The following BANK1 variants were observed in gnomAD, a reference collection of about 807,000 sequenced individuals.
The protein encoded by BANK1 is B cell scaffold protein with ankyrin repeats 1, also known as B-cell scaffold protein with ankyrin repeats.
A neutral mutation model predicts 94.5 loss-of-function variants in BANK1; 95 were observed. That is an observed-to-expected ratio of 1.00 (90% CI 0.85 to 1.19). The LOEUF is 1.19. Among genes scored for constraint, BANK1 ranks in the 50% most tolerant of loss-of-function variants. The pLI is 0.00. For missense variants in BANK1, 987 were observed against 932.2 expected, an observed-to-expected ratio of 1.06 and a Z score of -0.77; for synonymous variants, 334 against 308.4, an observed-to-expected ratio of 1.08 and a Z score of -0.87.
At chr4:101,859,487 C>T (rs1050439659) in intron 3 of BANK1, among the ~76,000 whole-genome samples, 31 of 152,240 alleles carry the variant, frequency 2.0e-4, no homozygotes, top group Admixed American at 5.9e-4. Flanking sequence ...TTGTCATAAA[C>T]CTTTGTTTCC....
chr4:101,939,237 A>G (rs1384810317), intron 7 of BANK1, among the ~76,000 whole-genome samples: 1 of 151,712 alleles, frequency 6.6e-6, no homozygotes, highest in Non-Finnish European at 1.5e-5. Flanking sequence ...GTGGAAAGCA[A>G]TCTTTATAGT....
At chr4:101,848,490 A>G (rs1024964998) in intron 2 of BANK1, among the ~76,000 whole-genome samples, 1 of 152,142 alleles carries the variant, frequency 6.6e-6, no homozygotes, top group East Asian at 1.9e-4. Context: ...TCATCACTAA[A>G]AACACTCCAG....
chr4:101,876,485 A>G (rs150546478), intron 5 of BANK1, among the ~76,000 whole-genome samples: 22 of 152,256 alleles, frequency 1.4e-4, no homozygotes, highest in South Asian at 8.3e-4. Flanking sequence ...AAGAACTACA[A>G]TGTTACTAGG....
chr4:102,043,462 A>C (rs74410482), intron 10 of BANK1, among the ~76,000 whole-genome samples: 2,565 of 152,174 alleles, frequency 0.017, 40 homozygotes, highest in Non-Finnish European at 0.026. Context: ...CTTGCTTATC[A>C]TCAAAAAGTC....
intron 7 of BANK1, among the ~76,000 whole-genome samples, chr4:102,015,273 G>C (rs1382486550): frequency 6.6e-6 from 1 of 151,076 alleles, no homozygotes; most frequent in Non-Finnish European, 1.5e-5. Flanking sequence ...GCTTTTTTTG[G>C]TATCTTTTTG....
chr4:101,793,910 G>A (rs1725070757), intron 1 of BANK1, among the ~76,000 whole-genome samples: 1 of 152,062 alleles, frequency 6.6e-6, no homozygotes, highest in Admixed American at 6.6e-5. Context: ...AGTTCTTAGT[G>A]AAAAACTGCC....
At chr4:101,971,923 C>T (rs902349480) in intron 7 of BANK1, among the ~76,000 whole-genome samples, 19 of 152,080 alleles carry the variant, frequency 1.2e-4, no homozygotes, top group African/African-American at 4.6e-4. Flanking sequence ...TAGTGTGATA[C>T]TTTTACTTTG....
At chr4:102,019,339 G>A (rs932790209) in intron 7 of BANK1, among the ~76,000 whole-genome samples, 2 of 152,210 alleles carry the variant, frequency 1.3e-5, no homozygotes, top group Admixed American at 6.5e-5. Context: ...TTGCTTAAAA[G>A]TAGGCGTATA....
intron 6 of BANK1, among the ~76,000 whole-genome samples, chr4:101,899,060 C>A (rs918248088): frequency 6.6e-6 from 1 of 151,896 alleles, no homozygotes. Context: ...TTCCAGTATA[C>A]AAATTTTGCG....
intron 11 of BANK1, among the ~76,000 whole-genome samples, chr4:102,053,500 C>CTT (rs1213737353): frequency 6.6e-6 from 1 of 151,930 alleles, no homozygotes; most frequent in Non-Finnish European, 1.5e-5. Context: ...AAAACTTCAA[C>CTT]TTAAGAAGTT....
At chr4:101,860,355 G>A (rs1727821214) in intron 3 of BANK1, among the ~76,000 whole-genome samples, 1 of 152,156 alleles carries the variant, frequency 6.6e-6, no homozygotes, top group Non-Finnish European at 1.5e-5. Context: ...ATTTGGGGTG[G>A]TCAGTGTGTT....
intron 2 of BANK1, among the ~76,000 whole-genome samples, chr4:101,848,027 A>C (rs1400165828): frequency 6.6e-6 from 1 of 152,136 alleles, no homozygotes; most frequent in African/African-American, 2.4e-5. Context: ...GTGAGCTCCC[A>C]GGGCCTTTCT....
At chr4:101,884,512 A>T (rs1728779610) in intron 5 of BANK1, among the ~76,000 whole-genome samples, 1 of 152,114 alleles carries the variant, frequency 6.6e-6, no homozygotes, top group Non-Finnish European at 1.5e-5. Flanking sequence ...GACTCTCTTT[A>T]TTCCTTGATA....
At chr4:102,068,550 G>A (rs1728661139) in intron 13 of BANK1, among the ~76,000 whole-genome samples, 1 of 152,202 alleles carries the variant, frequency 6.6e-6, no homozygotes. Flanking sequence ...GCTCTGGCCG[G>A]GTATGGTGGC....
At chr4:102,013,052 G>C (rs1055304268) in intron 7 of BANK1, among the ~76,000 whole-genome samples, 2 of 152,012 alleles carry the variant, frequency 1.3e-5, no homozygotes, top group Non-Finnish European at 2.9e-5. Flanking sequence ...TTCCTCTATA[G>C]ACTTTTATTA....
At chr4:101,862,700 T>C (rs2148877697) in intron 4 of BANK1, 36 bp downstream of exon 4, 1 of 1,538,558 alleles carries the variant, frequency 6.5e-7, no homozygotes, top group Non-Finnish European at 8.7e-7. Context: ...CATAAAACAT[T>C]ATCCTGAGTT....
chr4:102,071,362 A>G (rs571853519), intron 14 of BANK1, 58 bp downstream of exon 14: 1 of 1,489,916 alleles, frequency 6.7e-7, no homozygotes, highest in Non-Finnish European at 9.3e-7. Flanking sequence ...AGAGTAAATC[A>G]ATTTCAATAT....
chr4:102,006,154 C>T (rs1726254704), intron 7 of BANK1, among the ~76,000 whole-genome samples: 3 of 151,990 alleles, frequency 2.0e-5, no homozygotes, highest in Admixed American at 6.6e-5. Context: ...ATCCTTGAAA[C>T]AACCCAAAGA....
At chr4:101,911,439 T>C (rs1722661133) in intron 6 of BANK1, among the ~76,000 whole-genome samples, 1 of 152,224 alleles carries the variant, frequency 6.6e-6, no homozygotes, top group Non-Finnish European at 1.5e-5. Context: ...TAATTTTTGT[T>C]TCCTAGTATA....
Sources: gnomAD v4.1 joint callset for allele counts (sites outside exome capture counted in the v4.1 genomes callset) on GRCh38, gnomAD v4.1.1 for gene constraint, MANE v1.5 for transcripts, NCBI Gene and HGNC (gene_info 2026-07-23, HGNC 2026-07-21) for gene names.